Variants in CNTN6 observed in about 807,000 individuals in gnomAD.
The protein encoded by CNTN6 is contactin 6, also known as contactin-6.
Under a neutral mutation model 122.8 loss-of-function variants are expected in CNTN6, and 137 were observed. The observed-to-expected ratio is 1.12, with a 90% CI of 0.97 to 1.29. CNTN6 has a LOEUF of 1.29. Among genes scored for constraint, CNTN6 ranks in the 50% most tolerant of loss-of-function variants. The pLI, the probability that CNTN6 is intolerant of heterozygous loss-of-function variation, is 0.00. For synonymous variants in CNTN6, 570 were observed against 426.0 expected (o/e 1.34, Z -4.16); for missense variants, 1,634 against 1,223.4 (o/e 1.34, Z -5.01).
Position 1,273,366 on chromosome 3 carries a change from C to T in CNTN6, c.359-5047C>T, listed in dbSNP as rs774129685. 1.6e-4 allele frequency among the ~76,000 whole-genome samples: 24 copies of T among 152,178 alleles called. 1 individual carries two copies. The highest frequency in any genetic ancestry group is 2.5e-4 in the Non-Finnish European group (17 of 68,036). On this transcript the variant is annotated intron_variant, in intron 4 of 22. Transcript: ENST00000446702. ...AGGACAAAAATAGAAACTGGTGGTT[C>T]TCTCTGGCCTCTCCTTGTAGAAGAA...
intron 1 of CNTN6, among the ~76,000 whole-genome samples, chr3:1,103,124 A>T (rs1044115233): frequency 5.3e-5 from 8 of 152,216 alleles, no homozygotes; most frequent in Non-Finnish European, 1.0e-4. Context: ...AAAATAAAAA[A>T]AAAAGAAAGT....
rs1576125978 is a variant in CNTN6, at chr3:1,402,415, T to C, written c.2915T>C (p.Ile972Thr). 3.7e-6 allele frequency: 6 copies of C among 1,612,394 alleles called. No homozygotes were observed. Among genetic ancestry groups the C allele is most frequent in the African/African-American group, 2.7e-5 (2 of 74,818 alleles). The change falls in exon 22 of 23, where the codon ATT becomes ACT. Residue 972 changes from isoleucine (I) to threonine (T), a missense_variant. Coordinates refer to ENST00000446702, the MANE Select transcript of CNTN6 (RefSeq NM_001289080.2). ...LLVPFEEDYL[I>T]EIRTVSDGGD... Reference sequence around the variant, plus strand: ...GTTCCATTTGAAGAAGACTACTTAATTGAAATAAGAACAGTCAGTGATGGT... The same window carrying C: ...GTTCCATTTGAAGAAGACTACTTAACTGAAATAAGAACAGTCAGTGATGGT...
chr3:1,231,624 A>G (rs2094353449), intron 4 of CNTN6, among the ~76,000 whole-genome samples: 1 of 152,316 alleles, frequency 6.6e-6, no homozygotes, highest in African/African-American at 2.4e-5. Context: ...TGTGAAACAT[A>G]CTCCTAAATC....
intron 12 of CNTN6, among the ~76,000 whole-genome samples, chr3:1,354,760 C>T (rs538236059): frequency 2.4e-4 from 37 of 151,536 alleles, no homozygotes; most frequent in Non-Finnish European, 4.6e-4. Context: ...GCTCTAAAAT[C>T]GGACAGTTTT....
chr3:1,264,269 CA>C (rs370582012), intron 4 of CNTN6, among the ~76,000 whole-genome samples: 117 of 152,182 alleles, frequency 7.7e-4, no homozygotes, highest in African/African-American at 2.7e-3. Flanking sequence ...GGCGCTGATA[CA>C]AACAAACGGT....
At chr3:1,273,767 A>C (rs933146375) in intron 4 of CNTN6, among the ~76,000 whole-genome samples, 2 of 152,224 alleles carry the variant, frequency 1.3e-5, no homozygotes, top group African/African-American at 4.8e-5. Flanking sequence ...ATGTCAGCTA[A>C]TAGAAATCCC....
At position 1,093,761 on chromosome 3, in the gene CNTN6, A is replaced by T. The variant is rs374316701; in HGVS notation, c.-83+641A>T. 3.0e-4 allele frequency among the ~76,000 whole-genome samples: 46 copies of T among 152,256 alleles called. No homozygotes were observed. The East Asian group carries it at 8.7e-3, about 29-fold the overall frequency. ...TTACACCAGTTAAGTTGTCAGTATT[A>T]AGGTTCTTATAATACTTTATGAAAA... On this transcript the variant is annotated intron_variant, in intron 1 of 22. Coordinates refer to ENST00000446702, the MANE Select transcript of CNTN6 (RefSeq NM_001289080.2).
At chr3:1,211,803 TATTA>T (rs2125476689) in intron 2 of CNTN6, among the ~76,000 whole-genome samples, 1 of 152,276 alleles carries the variant, frequency 6.6e-6, no homozygotes, top group Admixed American at 6.5e-5. Flanking sequence ...CATCTCTTAA[TATTA>T]TATCTAAATT....
intron 2 of CNTN6, among the ~76,000 whole-genome samples, chr3:1,199,278 C>T (rs1056392401): frequency 2.7e-5 from 4 of 150,924 alleles, no homozygotes; most frequent in Non-Finnish European, 5.9e-5. Flanking sequence ...ACCTCAGGTC[C>T]AGGTGATTCT....
chr3:1,122,922 G>A (rs531436352), intron 1 of CNTN6, among the ~76,000 whole-genome samples: 3 of 151,898 alleles, frequency 2.0e-5, no homozygotes, highest in African/African-American at 7.2e-5. Flanking sequence ...ACTTGTTTGA[G>A]TGCCAGTTTT....
At chr3:1,390,733 A>G (rs1327317409) in intron 20 of CNTN6, among the ~76,000 whole-genome samples, 19 of 151,998 alleles carry the variant, frequency 1.3e-4, no homozygotes, top group African/African-American at 2.7e-4. Context: ...TATCACCACC[A>G]ATCCCACAGA....
intron 2 of CNTN6, among the ~76,000 whole-genome samples, chr3:1,159,453 T>C (rs945382179): frequency 1.3e-5 from 2 of 152,092 alleles, no homozygotes; most frequent in African/African-American, 4.8e-5. Context: ...TTATGACTTG[T>C]TTATTTCCAA....
intron 4 of CNTN6, among the ~76,000 whole-genome samples, chr3:1,275,204 C>T (rs1692116100): frequency 6.6e-6 from 1 of 152,130 alleles, no homozygotes; most frequent in Non-Finnish European, 1.5e-5. Context: ...TCATTGATTT[C>T]AGCATAGTGG....
At chr3:1,229,654 C>G (rs1017523200) in intron 4 of CNTN6, among the ~76,000 whole-genome samples, 3 of 151,992 alleles carry the variant, frequency 2.0e-5, no homozygotes, top group African/African-American at 7.2e-5. Context: ...TTTCTTGCAA[C>G]GAGAAGTTTC....
At chr3:1,202,387 G>A (rs186884751) in intron 2 of CNTN6, among the ~76,000 whole-genome samples, 62 of 150,280 alleles carry the variant, frequency 4.1e-4, no homozygotes, top group Non-Finnish European at 6.4e-4. Flanking sequence ...AAAAATACAA[G>A]AAATCAGCCG....
At chr3:1,219,395 T>C (rs1290864472) in intron 2 of CNTN6, among the ~76,000 whole-genome samples, 1 of 152,110 alleles carries the variant, frequency 6.6e-6, no homozygotes, top group Non-Finnish European at 1.5e-5. Flanking sequence ...GAGGAGAGGA[T>C]AGAGGGAAAG....
At chr3:1,158,873 T>TAC (rs371872855) in intron 2 of CNTN6, among the ~76,000 whole-genome samples, 22,172 of 47,012 alleles carry the variant, frequency 0.47, 2,710 homozygotes, top group East Asian at 0.64. Context: ...CACACATATA[T>TAC]ATACACATAT....
intron 4 of CNTN6, among the ~76,000 whole-genome samples, chr3:1,247,479 A>C (rs1273119943): frequency 6.6e-6 from 1 of 152,204 alleles, no homozygotes. Context: ...TTGAATTGTA[A>C]GTGAAACCAA....
intron 2 of CNTN6, among the ~76,000 whole-genome samples, chr3:1,201,099 TTGTGTGTGTG>T (rs57028088): frequency 0.18 from 23,275 of 129,934 alleles, 2,066 homozygotes; most frequent in East Asian, 0.29. Flanking sequence ...AGCTAACATT[TTGTGTGTGTG>T]TGTGTGTGTG....
Sources: gnomAD v4.1 joint callset for allele counts (sites outside exome capture counted in the v4.1 genomes callset) on GRCh38, gnomAD v4.1.1 for gene constraint, MANE v1.5 for transcripts, NCBI Gene and HGNC (gene_info 2026-07-23, HGNC 2026-07-21) for gene names.